ASB6: variants seen among roughly 807,000 people sequenced by gnomAD.
The protein encoded by ASB6 is ankyrin repeat and SOCS box containing 6.
Under a neutral mutation model 28.6 loss-of-function variants are expected in ASB6, and 24 were observed. The ratio of observed to expected loss-of-function variants is 0.84; its 90% CI spans 0.61 to 1.18. ASB6 has a LOEUF of 1.18. Among genes scored for constraint, ASB6 ranks in the 50% most tolerant of loss-of-function variants. The pLI, the probability that ASB6 is intolerant of heterozygous loss-of-function variation, is 0.00. For missense variants in ASB6, 519 were observed against 559.8 expected (o/e 0.93, Z 0.74); for synonymous variants, 267 against 243.4 (o/e 1.10, Z -0.90).
intron 4 of ASB6, 49 bp from the exon 5 acceptor site, chr9:129,638,708 G>C: frequency 6.6e-7 from 1 of 1,504,228 alleles, no homozygotes. Flanking sequence ...GGAAGCCCAG[G>C]TCAGGGCAAC....
rs368837136 is a variant in ASB6 at position 129,637,554 on chromosome 9, TG to T, written c.*235del. On this transcript the variant is annotated 3_prime_UTR_variant, in exon 6 of 6. Coordinates refer to ENST00000277458, the MANE Select transcript of ASB6 (RefSeq NM_017873.4). ...CCAAGCCCTGTTCCTCTTTCCAACA[TG>T]GGGGGGACTTGGAGTGCCGCTGGAG... 35 of 383,964 alleles carry T rather than the reference TG, an allele frequency of 9.1e-5. No homozygotes were observed. The East Asian group carries it at 1.0e-3, about 11-fold the overall frequency. 23.8% of individuals were successfully genotyped at this position (383,964 alleles called of 1,614,324 possible). A position where few individuals can be genotyped will look rare whatever the true frequency, so the allele number is the denominator to read the frequency against.
In ASB6 at chr9:129,635,323, C is replaced by T. The variant is rs145564237; in HGVS notation, c.*2467G>A. 22 of 1,613,724 alleles carry T rather than the reference C, an allele frequency of 1.4e-5. No homozygotes were observed. Among genetic ancestry groups the T allele is most frequent in the African/African-American group, 5.3e-5 (4 of 74,940 alleles). On this transcript the variant is annotated 3_prime_UTR_variant, in exon 6 of 6. Coordinates refer to ENST00000277458, the MANE Select transcript of ASB6 (RefSeq NM_017873.4). The stretch of plus-strand genomic sequence containing the variant: ...TGGCCCAGGAGGGCGTGATTCTGGA[C>T]GACGTGGACAGCAGCGTGTGCCGGG...
Position 129,642,066 on chromosome 9 carries a change from C to T in ASB6, c.-67G>A. 4.1e-6 allele frequency: 6 copies of T among 1,475,070 alleles called. No individual in the cohort carries two copies. The highest frequency in any genetic ancestry group is 5.4e-6 in the Non-Finnish European group (6 of 1,110,522). 91.4% of individuals were successfully genotyped at this position (1,475,070 alleles called of 1,614,324 possible). On this transcript the variant is annotated 5_prime_UTR_variant, in exon 1 of 6. Coordinates refer to ENST00000277458, the MANE Select transcript of ASB6 (RefSeq NM_017873.4). This position sits in a 1 kb window ranked among gnomAD's most constrained non-coding sequence, Gnocchi z 4.3. ...GAGGCCGAGATGCCCAGACGCCGAC[C>T]GGAACGCTCCGGCGGCCGCGGACCC...
rs1831721160 is a variant in ASB6, at chr9:129,642,130, T to C, written c.-131A>G. The C allele has an allele frequency of 7.5e-7, 1 of 1,335,034 alleles. No homozygotes were observed. The highest frequency in any genetic ancestry group is 1.6e-5 in the African/African-American group (1 of 64,506). The allele number at this position is 1,335,034 out of a possible 1,614,324, so 82.7% of individuals were successfully genotyped here. A position where few individuals can be genotyped will look rare whatever the true frequency, so the allele number is the denominator to read the frequency against. On this transcript the variant is annotated 5_prime_UTR_variant, in exon 1 of 6. Coordinates refer to ENST00000277458, the MANE Select transcript of ASB6 (RefSeq NM_017873.4). This position sits in a 1 kb window ranked among gnomAD's most constrained non-coding sequence, Gnocchi z 4.3. The stretch of plus-strand genomic sequence containing the variant: ...AGTCCAGCCCCTGCGCCCGGCCGGG[T>C]CCGCTCCTCAGTCCAAGCCGCGCCC...
rs1022913253 is a variant in ASB6, at chr9:129,641,564, C to T, written c.113+323G>A. Among the ~76,000 whole-genome samples the T allele has an allele frequency of 2.6e-5, 4 of 152,240 alleles. No individual in the cohort carries two copies. In the East Asian group the frequency reaches 5.8e-4, roughly 22 times the overall value. On this transcript the variant is annotated intron_variant, in intron 1 of 5. Coordinates refer to ENST00000277458, the MANE Select transcript of ASB6 (RefSeq NM_017873.4). ...CACTGCTCTGGGGTAACATCTGAGGCCTCACGGATTCCACCCTGCTCCTCT... is the reference window on the plus strand; with the variant it reads ...CACTGCTCTGGGGTAACATCTGAGGTCTCACGGATTCCACCCTGCTCCTCT...
Position 129,638,140 on chromosome 9 carries a change from T to C in ASB6, c.916A>G (p.Arg306Gly). The change falls in exon 6 of 6, where the codon AGG becomes GGG. Residue 306 changes from arginine (R) to glycine (G), a missense_variant. By Grantham distance (125) the Arg-to-Gly change is moderately radical. Transcript: ENST00000277458. ...GTGCAGCCTGGGTGGGAACAGAGCC[T>C]CTCAAAGATGATGTGAAAGCCAGAC... ...CWSGFHIIFE[R>G]LCSHPGCTED... 1.2e-6 allele frequency: 2 copies of C among 1,614,014 alleles called. No homozygotes were observed. The highest frequency in any genetic ancestry group is 2.2e-5 in the South Asian group (2 of 91,076).
rs748985889 is a variant in ASB6 at position 129,639,212 on chromosome 9, A to G, written c.501T>C (p.Ala167=). ...GCAGGAGGCACCCACCATGCTTGTCAGCGGCATTGACATCAGCTCCAAGGT... is the reference window on the plus strand; with the variant it reads ...GCAGGAGGCACCCACCATGCTTGTCGGCGGCATTGACATCAGCTCCAAGGT... ...LLDLGADVNA[A]DKHGKTALLH... Residue 167 remains alanine, a synonymous_variant, in exon 4 of 6, where the codon GCT becomes GCC. Transcript: ENST00000277458. 3.1e-5 allele frequency: 50 copies of G among 1,607,368 alleles called. No individual in the cohort carries two copies. The highest frequency in any genetic ancestry group is 4.0e-5 in the Non-Finnish European group (47 of 1,177,024).
intron 4 of ASB6, 125 bp downstream of exon 4, chr9:129,639,077 G>T: frequency 1.0e-6 from 1 of 956,300 alleles, no homozygotes; most frequent in Non-Finnish European, 1.6e-6. Context: ...GCCCAGCCAT[G>T]CTGTGCCACC....
rs899908371 is a variant in ASB6 at position 129,641,569 on chromosome 9, C to T, written c.113+318G>A. Among the ~76,000 whole-genome samples, 7 of 152,356 alleles carry T rather than the reference C, an allele frequency of 4.6e-5. No individual in the cohort carries two copies. The South Asian group carries it at 1.4e-3, about 32-fold the overall frequency. On this transcript the variant is annotated intron_variant, in intron 1 of 5. Transcript: ENST00000277458. ...CTCTGGGGTAACATCTGAGGCCTCACGGATTCCACCCTGCTCCTCTGCCAC... is the reference window on the plus strand; with the variant it reads ...CTCTGGGGTAACATCTGAGGCCTCATGGATTCCACCCTGCTCCTCTGCCAC...
intron 2 of ASB6, among the ~76,000 whole-genome samples, chr9:129,640,231 G>C (rs1831662839): frequency 6.6e-6 from 1 of 152,230 alleles, no homozygotes; most frequent in Non-Finnish European, 1.5e-5. Context: ...TCTGGGCACA[G>C]TGCCAGCAGC....
rs556511769 is a variant in ASB6, at chr9:129,634,902, C to T, written c.*2888G>A. Reference sequence around the variant, plus strand: ...CCAAACTCTTAGCCCAGGTTCACTCCTCCGATCCAAGCCTGGCAGGGGTGG... The same window carrying T: ...CCAAACTCTTAGCCCAGGTTCACTCTTCCGATCCAAGCCTGGCAGGGGTGG... On this transcript the variant is annotated 3_prime_UTR_variant, in exon 6 of 6. Coordinates refer to ENST00000277458, the MANE Select transcript of ASB6 (RefSeq NM_017873.4). 1.6e-4 allele frequency: 63 copies of T among 385,950 alleles called. 1 individual carries two copies. In the East Asian group the frequency reaches 3.4e-3, roughly 21 times the overall value. 23.9% of individuals were successfully genotyped at this position (385,950 alleles called of 1,614,324 possible). A position where few individuals can be genotyped will look rare whatever the true frequency, so the allele number is the denominator to read the frequency against.
chr9:129,638,645 G>A lies in ASB6; in HGVS notation c.526C>T (p.Leu176Phe). 1 of 1,613,118 alleles carries A rather than the reference G, an allele frequency of 6.2e-7. No homozygotes were observed. Among genetic ancestry groups the A allele is most frequent in the Non-Finnish European group, 8.5e-7 (1 of 1,179,630 alleles). ...CCGTCGCTGCTGGCCAGAGCATGGA[G>A]CAGAGCAGTTTTTCCTAGGGAGGGA... ...AADKHGKTAL[L>F]HALASSDGVQ... is the part of the protein sequence containing the mutation. The change falls in exon 5 of 6, where the codon CTC becomes TTC. Residue 176 changes from leucine (L) to phenylalanine (F), a missense_variant. Physicochemically the swap from Leu to Phe is conservative, Grantham distance 22 (BLOSUM62 0). Transcript: ENST00000277458.
intron 4 of ASB6, among the ~76,000 whole-genome samples, chr9:129,638,897 C>T (rs1831624941): frequency 1.3e-5 from 2 of 152,226 alleles, no homozygotes; most frequent in African/African-American, 4.8e-5. Context: ...AAGATGCTAC[C>T]TGAGATGTTG....
rs1021721583 is a variant in ASB6, at chr9:129,638,948, C to CT, written c.511+253dup. Among the ~76,000 whole-genome samples the CT allele has an allele frequency of 3.1e-4, 47 of 152,380 alleles. 1 individual carries two copies. The highest frequency in any genetic ancestry group is 1.1e-3 in the African/African-American group (47 of 41,594). On this transcript the variant is annotated intron_variant, in intron 4 of 5. Transcript: ENST00000277458. ...ATGGGAAGCCATTGTTTCTTGGAAA[C>CT]TAAGTGCACACATGCCCTATTTCTT...
At position 129,635,836 on chromosome 9, in the gene ASB6, C is replaced by T. The variant is rs1215337773; in HGVS notation, c.*1954G>A. The T allele has an allele frequency of 4.4e-6, 1 of 229,830 alleles. No homozygotes were observed. Among genetic ancestry groups the T allele is most frequent in the Admixed American group, 5.3e-5 (1 of 18,844 alleles). The allele number at this position is 229,830 out of a possible 1,614,324, so 14.2% of individuals were successfully genotyped here. The stretch of plus-strand genomic sequence containing the variant: ...CCTGGCTGCCTGAAGAGGAAGGAAA[C>T]CACCCCCAACTTGGTTGCTGGGGAC... On this transcript the variant is annotated 3_prime_UTR_variant, in exon 6 of 6. Transcript: ENST00000277458.
Position 129,639,492 on chromosome 9 carries a change from G to T in ASB6, c.312C>A (p.Tyr104Ter), listed in dbSNP as rs1475319012. Residue 104 changes from tyrosine to a stop codon, truncating the protein, a stop_gained, in exon 3 of 6, where the codon TAC becomes TAA. Transcript: ENST00000277458. LOFTEE classifies it high-confidence loss of function. ...NLNFEDPVTY[Y>*]TALHIAVLRN... ...GCAGGACGGCGATGTGCAAGGCCGTGTAGTAGGTGACTGGGTCTGAAGGTG... is the reference window on the plus strand; with the variant it reads ...GCAGGACGGCGATGTGCAAGGCCGTTTAGTAGGTGACTGGGTCTGAAGGTG... 1 of 1,613,148 alleles carries T rather than the reference G, an allele frequency of 6.2e-7. No homozygotes were observed. The highest frequency in any genetic ancestry group is 8.5e-7 in the Non-Finnish European group (1 of 1,179,332).
chr9:129,634,697 G>A lies in ASB6; in HGVS notation c.*3093C>T, dbSNP rs1014085103. ...CTTAGCCTAACAGCACACCTCGAGCGCTGTGCCCTGGGCTGCTGACGTGGC... is the reference window on the plus strand; with the variant it reads ...CTTAGCCTAACAGCACACCTCGAGCACTGTGCCCTGGGCTGCTGACGTGGC... On this transcript the variant is annotated 3_prime_UTR_variant, in exon 6 of 6. Transcript: ENST00000277458. The A allele has an allele frequency of 9.9e-5, 22 of 222,370 alleles. No individual in the cohort carries two copies. The highest frequency in any genetic ancestry group is 4.2e-4 in the African/African-American group (18 of 43,208). 13.8% of individuals were successfully genotyped at this position (222,370 alleles called of 1,614,324 possible).
At chr9:129,640,188 AGAGT>A (rs1447452837) in intron 2 of ASB6, among the ~76,000 whole-genome samples, 1 of 152,026 alleles carries the variant, frequency 6.6e-6, no homozygotes, top group Non-Finnish European at 1.5e-5. Context: ...AAATTGGCTC[AGAGT>A]AAGTAGCAGA....
Position 129,639,264 on chromosome 9 carries a change from C to T in ASB6, c.449G>A (p.Arg150His), listed in dbSNP as rs372239131. 35 of 1,612,496 alleles carry T rather than the reference C, an allele frequency of 2.2e-5. 1 individual carries two copies. The highest frequency in any genetic ancestry group is 1.2e-4 in the South Asian group (11 of 90,974). ...CAGGAGGCGCTGCAGGCAGGGCAGG[C>T]GCTCAGGCTCCTCGCTGGCCAGGTC... is the stretch of plus-strand genomic sequence containing the variant. ...PLDLASEEPE[R>H]LPCLQRLLDL... is the part of the protein sequence containing the mutation. Residue 150 changes from arginine to histidine, a missense_variant, in exon 4 of 6, where the codon CGC becomes CAC. Arg to His is a conservative substitution (Grantham distance 29). Transcript: ENST00000277458.
Sources: gnomAD v4.1 joint callset for allele counts (sites outside exome capture counted in the v4.1 genomes callset) on GRCh38, gnomAD v4.1.1 for gene constraint, Gnocchi (gnomAD v3.1) non-coding constraint, MANE v1.5 for transcripts, NCBI Gene and HGNC (gene_info 2026-07-23, HGNC 2026-07-21) for gene names.